DMD: variants seen among roughly 807,000 people sequenced by gnomAD.
DMD encodes the protein dystrophin.
A neutral mutation model predicts 330.1 loss-of-function variants in DMD; 63 were observed. The observed-to-expected ratio is 0.19, with a 90% CI of 0.16 to 0.24. The LOEUF is 0.24. DMD is among the 10% of genes least tolerant of loss of function. DMD has a pLI of 1.00. For synonymous variants in DMD, 1,223 were observed against 959.8 expected (o/e 1.27, Z -5.07); for missense variants, 3,344 against 2,684.1 (o/e 1.25, Z -5.43).
intron 43 of DMD, among the ~76,000 whole-genome samples, chrX:32,240,079 CTTGA>C (rs758722677): frequency 6.3e-5 from 7 of 111,295 alleles, no homozygotes; most frequent in South Asian, 7.5e-4. Context: ...TCTGGAAATC[CTTGA>C]TTGTCTCTTA....
chrX:32,468,087 T>C (rs758858930), intron 23 of DMD, among the ~76,000 whole-genome samples: 79 of 110,217 alleles, frequency 7.2e-4, no homozygotes, highest in Admixed American at 4.9e-4. Flanking sequence ...AATAATCATA[T>C]ACATACTATA....
intron 1 of DMD, among the ~76,000 whole-genome samples, chrX:33,288,687 C>T (rs1206347272): frequency 9.0e-6 from 1 of 111,438 alleles, no homozygotes; most frequent in Admixed American, 9.6e-5. Context: ...GCTAATTCTT[C>T]GAAGCTTAAG....
At chrX:32,885,365 T>G (rs1291878734) in intron 2 of DMD, among the ~76,000 whole-genome samples, 1 of 111,762 alleles carries the variant, frequency 8.9e-6, no homozygotes, top group Non-Finnish European at 1.9e-5. Context: ...GGTAAGTTTA[T>G]GACTTTGCAT....
At chrX:31,820,133 T>A in intron 49 of DMD, 50 bp from the exon 50 acceptor site, 1 of 1,001,704 alleles carries the variant, frequency 1.0e-6, no homozygotes, top group Non-Finnish European at 1.4e-6. Flanking sequence ...ACTTTGAAGA[T>A]AATTCATGAA....
chrX:33,207,768 A>G (rs925542769), intron 1 of DMD, among the ~76,000 whole-genome samples: 1 of 111,973 alleles, frequency 8.9e-6, no homozygotes, highest in Non-Finnish European at 1.9e-5. Context: ...GAAAAGGTGA[A>G]GACTACAAAC....
intron 60 of DMD, among the ~76,000 whole-genome samples, chrX:31,435,344 A>T (rs1017599618): frequency 6.3e-5 from 7 of 111,916 alleles, no homozygotes; most frequent in Admixed American, 3.8e-4. Flanking sequence ...AAAACTATGT[A>T]TAAAGGCTGT....
intron 45 of DMD, among the ~76,000 whole-genome samples, chrX:31,935,782 A>AC (rs11441612): frequency 0.39 from 42,747 of 109,346 alleles, 6,849 homozygotes; most frequent in African/African-American, 0.6. Flanking sequence ...AAAACCCCAA[A>AC]CCCCCCAAAC....
At chrX:31,295,074 G>A (rs1005345649) in intron 62 of DMD, among the ~76,000 whole-genome samples, 1 of 111,226 alleles carries the variant, frequency 9.0e-6, no homozygotes, top group Non-Finnish European at 1.9e-5. Context: ...TCGGCTCACT[G>A]CAAGCTCCAG....
At chrX:31,889,645 TCTCA>T (rs1466232582) in intron 47 of DMD, among the ~76,000 whole-genome samples, 131 of 67,516 alleles carry the variant, frequency 1.9e-3, no homozygotes, top group East Asian at 4.8e-3. Flanking sequence ...TCTCTCTCTC[TCTCA>T]CACACACACA....
At chrX:32,810,216 G>A (rs1047131811) in intron 6 of DMD, among the ~76,000 whole-genome samples, 1 of 111,518 alleles carries the variant, frequency 9.0e-6, no homozygotes, top group Non-Finnish European at 1.9e-5. Flanking sequence ...AGAAAATCCT[G>A]AAGATGACAA....
chrX:33,331,600 A>G (rs753677329), intron 1 of DMD, among the ~76,000 whole-genome samples: 1 of 111,649 alleles, frequency 9.0e-6, no homozygotes, highest in Non-Finnish European at 1.9e-5. Context: ...CCTGTCTTCA[A>G]ATTGCAACAT....
intron 17 of DMD, among the ~76,000 whole-genome samples, chrX:32,528,990 T>A (rs751564358): frequency 1.9e-5 from 2 of 104,849 alleles, no homozygotes; most frequent in East Asian, 6.0e-4. Context: ...GACACAATCT[T>A]GGCTCACTGC....
chrX:31,228,263 A>G (rs1158774282), intron 63 of DMD, among the ~76,000 whole-genome samples: 2 of 65,542 alleles, frequency 3.1e-5, no homozygotes, highest in African/African-American at 2.2e-4. Context: ...TAATAAAAAA[A>G]AAATAAAAAA....
In DMD at chrX:32,658,947, T is replaced by C. The variant is rs957914594; in HGVS notation, c.961-13795A>G. 8.4e-4 allele frequency among the ~76,000 whole-genome samples: 94 copies of C among 111,908 alleles called. 1 individual carries two copies. The highest frequency in any genetic ancestry group is 2.9e-3 in the African/African-American group (90 of 30,818). On this transcript the variant is annotated intron_variant, in intron 9 of 78. Coordinates refer to ENST00000357033, the MANE Select transcript of DMD (RefSeq NM_004006.3). ...CTCTTGGTACACACCTGAAAATAGATATGATACTAATTTAGAGGGTAATTG... is the reference window on the plus strand; with the variant it reads ...CTCTTGGTACACACCTGAAAATAGACATGATACTAATTTAGAGGGTAATTG...
At chrX:32,808,649 G>A (rs998786468) in intron 7 of DMD, among the ~76,000 whole-genome samples, 5 of 111,629 alleles carry the variant, frequency 4.5e-5, no homozygotes, top group African/African-American at 6.5e-5. Flanking sequence ...TGATGAAATC[G>A]ATTTAATATT....
intron 48 of DMD, among the ~76,000 whole-genome samples, chrX:31,843,174 G>A (rs6527124): frequency 0.35 from 39,277 of 110,843 alleles, 5,846 homozygotes; most frequent in African/African-American, 0.58. Context: ...TAGTGCTGCA[G>A]TGAACATACA....
intron 55 of DMD, among the ~76,000 whole-genome samples, chrX:31,513,546 T>A (rs979706147): frequency 8.9e-6 from 1 of 111,820 alleles, no homozygotes; most frequent in Non-Finnish European, 1.9e-5. Flanking sequence ...TAGAAATTTT[T>A]GGATAGTTTT....
chrX:31,895,311 G>A (rs1173132745), intron 47 of DMD, among the ~76,000 whole-genome samples: 1 of 111,842 alleles, frequency 8.9e-6, no homozygotes, highest in African/African-American at 3.3e-5. Context: ...TACTCTGTTG[G>A]CTCAAGCTTG....
intron 7 of DMD, among the ~76,000 whole-genome samples, chrX:32,767,541 TCTC>T (rs2073133206): frequency 9.0e-6 from 1 of 111,459 alleles, no homozygotes; most frequent in Non-Finnish European, 1.9e-5. Context: ...CTATTTCTTC[TCTC>T]CTCTATTTTA....
Sources: allele counts gnomAD v4.1 joint callset (sites outside exome capture counted in the v4.1 genomes callset), GRCh38; gene constraint gnomAD v4.1.1; transcripts MANE v1.5; gene names NCBI Gene and HGNC (gene_info 2026-07-23, HGNC 2026-07-21).